The following COG5 variants were observed in gnomAD, a reference collection of about 807,000 sequenced individuals.
The protein encoded by COG5 is component of oligomeric golgi complex 5.
In COG5, 86 loss-of-function variants were observed where a neutral mutation model predicts 110.4. The observed-to-expected ratio is 0.78, with a 90% confidence interval of 0.65 to 0.93. The LOEUF (loss-of-function observed/expected upper bound fraction) is 0.93. Among genes scored for constraint, COG5 ranks in the 40% least tolerant of loss-of-function variants. The pLI is 0.00. For synonymous variants in COG5, 360 were observed against 334.6 expected (o/e 1.08, Z -0.83); for missense variants, 1,077 against 987.0 (o/e 1.09, Z -1.22).
chr7:107,529,426 A>G (rs940392998), intron 5 of COG5, among the ~76,000 whole-genome samples: 1 of 152,222 alleles, frequency 6.6e-6, no homozygotes, highest in African/African-American at 2.4e-5. Flanking sequence ...ATTGAATGCA[A>G]ATGCCAGGGA....
intron 6 of COG5, among the ~76,000 whole-genome samples, chr7:107,515,725 T>C (rs1799873680): frequency 6.6e-6 from 1 of 152,244 alleles, no homozygotes; most frequent in South Asian, 2.1e-4. Context: ...TCTTTTACTC[T>C]TGTTGCTAGC....
At chr7:107,357,353 A>G (rs1237982144) in intron 10 of COG5, among the ~76,000 whole-genome samples, 2 of 152,164 alleles carry the variant, frequency 1.3e-5, no homozygotes, top group African/African-American at 2.4e-5. Flanking sequence ...TTCACAAAAG[A>G]CTGATCTTTT....
At chr7:107,536,580 G>T (rs1302350440) in intron 5 of COG5, among the ~76,000 whole-genome samples, 2 of 152,116 alleles carry the variant, frequency 1.3e-5, no homozygotes, top group Non-Finnish European at 1.5e-5. Context: ...TCTTCAAGGA[G>T]AACTACAAAC....
At chr7:107,271,566 C>A (rs1241784969) in intron 14 of COG5, among the ~76,000 whole-genome samples, 1 of 152,088 alleles carries the variant, frequency 6.6e-6, no homozygotes, top group East Asian at 1.9e-4. Flanking sequence ...TCTGCTGCCA[C>A]TGTAAATAGC....
At chr7:107,302,179 C>T (rs995443028) in intron 11 of COG5, among the ~76,000 whole-genome samples, 2 of 152,242 alleles carry the variant, frequency 1.3e-5, no homozygotes, top group East Asian at 1.9e-4. Flanking sequence ...TATATCCATG[C>T]AATGGAATAC....
At chr7:107,386,475 C>T (rs1019816721) in intron 7 of COG5, among the ~76,000 whole-genome samples, 4 of 152,060 alleles carry the variant, frequency 2.6e-5, no homozygotes, top group Non-Finnish European at 4.4e-5. Flanking sequence ...GGAAGCACGA[C>T]GGACCGCCGA....
At chr7:107,349,008 T>G (rs533645668) in intron 10 of COG5, among the ~76,000 whole-genome samples, 1 of 152,250 alleles carries the variant, frequency 6.6e-6, no homozygotes, top group African/African-American at 2.4e-5. Context: ...ATTACACACA[T>G]GTACCAACAT....
At chr7:107,391,523 G>A (rs1172135128) in intron 7 of COG5, among the ~76,000 whole-genome samples, 4 of 152,052 alleles carry the variant, frequency 2.6e-5, no homozygotes, top group African/African-American at 9.7e-5. Flanking sequence ...TTTGTTACCT[G>A]TGCTTTTGGT....
At chr7:107,464,538 C>T (rs770204587) in intron 6 of COG5, among the ~76,000 whole-genome samples, 11 of 152,138 alleles carry the variant, frequency 7.2e-5, no homozygotes, top group Non-Finnish European at 1.5e-4. Flanking sequence ...GGTCTCATAT[C>T]CTCTAAACCA....
rs1491240276 is a variant in COG5 at position 107,415,830 on chromosome 7, ATG to A, written c.539-3200_539-3199del. On this transcript the variant is annotated intron_variant, in intron 6 of 21. Coordinates refer to ENST00000297135, the MANE Select transcript of COG5 (RefSeq NM_006348.5). ...TATATATACACACATACACGTATGT[ATG>A]TATGTGTGTGTATATATACACACAC... Among the ~76,000 whole-genome samples, 27 of 93,970 alleles carry A rather than the reference ATG, an allele frequency of 2.9e-4. 2 individuals are homozygous for A. The highest frequency in any genetic ancestry group is 1.1e-3 in the African/African-American group (27 of 25,544). The allele number at this position is 93,970 out of a possible 152,430, so 61.6% of individuals were successfully genotyped here.
At chr7:107,291,126 C>T (rs1024626764) in intron 12 of COG5, among the ~76,000 whole-genome samples, 1 of 152,192 alleles carries the variant, frequency 6.6e-6, no homozygotes, top group African/African-American at 2.4e-5. Flanking sequence ...GTTTCATTCA[C>T]TATTTCTTCA....
chr7:107,388,155 T>C (rs1039633280), intron 7 of COG5, among the ~76,000 whole-genome samples: 2 of 152,138 alleles, frequency 1.3e-5, no homozygotes, highest in Non-Finnish European at 2.9e-5. Context: ...AATGCCCAGA[T>C]TGCCAGCTCA....
chr7:107,220,054 T>C lies in COG5; in HGVS notation c.2169-8829A>G, dbSNP rs113135765. Among the ~76,000 whole-genome samples, 1,037 of 152,332 alleles carry C rather than the reference T, an allele frequency of 6.8e-3. 16 individuals are homozygous for C. Among genetic ancestry groups the C allele is most frequent in the African/African-American group, 0.024 (980 of 41,576 alleles). ...AGGCATAGAGAAATCCAGTAAAAGC[T>C]AGAAGTGGCAAAGCAAGGATTCAAA... On this transcript the variant is annotated intron_variant, in intron 19 of 21. Coordinates refer to ENST00000297135, the MANE Select transcript of COG5 (RefSeq NM_006348.5).
At chr7:107,373,186 A>C (rs1814335039) in intron 7 of COG5, among the ~76,000 whole-genome samples, 1 of 152,168 alleles carries the variant, frequency 6.6e-6, no homozygotes. Context: ...CTTATTCATT[A>C]TATTTCACTG....
At chr7:107,444,586 T>C (rs778001994) in intron 6 of COG5, among the ~76,000 whole-genome samples, 5 of 152,228 alleles carry the variant, frequency 3.3e-5, no homozygotes, top group East Asian at 3.8e-4. Context: ...TGAAACTTCA[T>C]AGCACATTGT....
chr7:107,238,482 A>T lies in COG5; in HGVS notation c.1854-1795T>A, dbSNP rs150435689. Among the ~76,000 whole-genome samples, 237 of 151,534 alleles carry T rather than the reference A, an allele frequency of 1.6e-3. 6 individuals are homozygous for T. The East Asian group carries it at 0.044, about 28-fold the overall frequency. ...AACATGGAAGTGCGTATATCTTTTG[A>T]CATACTGATTTCAAGTTCTTAGGTT... On this transcript the variant is annotated intron_variant, in intron 17 of 21. Coordinates refer to ENST00000297135, the MANE Select transcript of COG5 (RefSeq NM_006348.5).
At position 107,370,183 on chromosome 7, in the gene COG5, C is replaced by T. The variant is rs1032646163; in HGVS notation, c.835+2412G>A. Among the ~76,000 whole-genome samples the T allele has an allele frequency of 2.0e-5, 3 of 152,100 alleles. No individual in the cohort carries two copies. In the South Asian group the frequency reaches 6.2e-4, roughly 32 times the overall value. ...TCATGCACCATCACACTCATGAATG[C>T]GACTGTCAATCTCCTGTGTAGTGGT... On this transcript the variant is annotated intron_variant, in intron 8 of 21. Transcript: ENST00000297135.
intron 19 of COG5, among the ~76,000 whole-genome samples, chr7:107,217,592 T>C (rs1054621312): frequency 6.6e-6 from 1 of 152,120 alleles, no homozygotes; most frequent in African/African-American, 2.4e-5. Context: ...TCAACATATA[T>C]ACATCAATAA....
Position 107,230,663 on chromosome 7 carries a change from C to G in COG5, c.2120G>C (p.Arg707Thr). 6.2e-7 allele frequency: 1 copy of G among 1,613,258 alleles called. No individual in the cohort carries two copies. Among genetic ancestry groups the G allele is most frequent in the Admixed American group, 1.7e-5 (1 of 60,020 alleles). ...QMELAVGPFC[R>T]RVSDLGKSYR... Reference sequence around the variant, plus strand: ...GGACTTTCCTAAATCAGATACTCGTCTACAGAATGGACCCACAGCCAACTC... The same window carrying G: ...GGACTTTCCTAAATCAGATACTCGTGTACAGAATGGACCCACAGCCAACTC... The change falls in exon 19 of 22, where the codon AGA becomes ACA. Residue 707 changes from arginine (R) to threonine (T), a missense_variant. By Grantham distance (71) the Arg-to-Thr change is moderately conservative (BLOSUM62 -1). Transcript: ENST00000297135.
Sources: gnomAD v4.1 joint callset for allele counts (sites outside exome capture counted in the v4.1 genomes callset) on GRCh38, gnomAD v4.1.1 for gene constraint, MANE v1.5 for transcripts, NCBI Gene and HGNC (gene_info 2026-07-23, HGNC 2026-07-21) for gene names.